The following ERBB4 variants were observed in gnomAD, a reference collection of about 807,000 sequenced individuals.
ERBB4 encodes erb-b2 receptor tyrosine kinase 4, also known as receptor tyrosine-protein kinase erbB-4.
Under a neutral mutation model 158.0 loss-of-function variants are expected in ERBB4, and 42 were observed. The observed-to-expected ratio is 0.27, with a 90% CI of 0.21 to 0.34. The LOEUF (loss-of-function observed/expected upper bound fraction) is 0.34. Ranked by LOEUF, ERBB4 falls within the 10% of genes least tolerant of loss-of-function variation. ERBB4 has a pLI of 1.00. For synonymous variants in ERBB4, 583 were observed against 558.7 expected (o/e 1.04, Z -0.61); for missense variants, 1,333 against 1,624.1 (o/e 0.82, Z 3.08).
chr2:211,473,154 G>A (rs2064871859), intron 20 of ERBB4, among the ~76,000 whole-genome samples: 1 of 151,866 alleles, frequency 6.6e-6, no homozygotes, highest in African/African-American at 2.4e-5. Flanking sequence ...TTATAGGAAG[G>A]CAAACAGAGA....
intron 1 of ERBB4, among the ~76,000 whole-genome samples, chr2:212,376,898 G>T (rs762149354): frequency 5.9e-5 from 9 of 151,898 alleles, no homozygotes; most frequent in Non-Finnish European, 1.2e-4. Context: ...TAAGAAGCAG[G>T]CAAACTATTG....
intron 1 of ERBB4, among the ~76,000 whole-genome samples, chr2:212,444,665 C>A (rs2092315912): frequency 1.3e-5 from 2 of 152,288 alleles, no homozygotes; most frequent in African/African-American, 4.8e-5. Flanking sequence ...GGCCCAGGAA[C>A]AAAGTGGCCA....
intron 1 of ERBB4, among the ~76,000 whole-genome samples, chr2:212,435,540 C>CTTGTT (rs2092119272): frequency 6.6e-6 from 1 of 151,836 alleles, no homozygotes; most frequent in South Asian, 2.1e-4. Flanking sequence ...AACATACATT[C>CTTGTT]TTGTTAATTT....
intron 20 of ERBB4, among the ~76,000 whole-genome samples, chr2:211,500,725 T>A (rs1323754211): frequency 6.6e-6 from 1 of 151,716 alleles, no homozygotes; most frequent in Non-Finnish European, 1.5e-5. Flanking sequence ...TCCAAACTGG[T>A]TTTTTTTGTG....
rs954368630 is a variant in ERBB4, at chr2:212,501,736, C to T, written c.82+36713G>A. 6.6e-5 allele frequency among the ~76,000 whole-genome samples: 10 copies of T among 152,226 alleles called. No homozygotes were observed. The East Asian group carries it at 7.7e-4, about 12-fold the overall frequency. On this transcript the variant is annotated intron_variant, in intron 1 of 27. Transcript: ENST00000342788. ...TGAGCTCCATCTTGGACTTTCTTCA[C>T]AGAACCTGACATAAACTTTAGTGTA...
chr2:212,214,450 T>C (rs961767493), intron 1 of ERBB4, among the ~76,000 whole-genome samples: 1 of 151,876 alleles, frequency 6.6e-6, no homozygotes, highest in African/African-American at 2.4e-5. Context: ...ATAGTTTTTA[T>C]ACTTCATGGA....
intron 20 of ERBB4, among the ~76,000 whole-genome samples, chr2:211,521,998 G>A: frequency 6.6e-6 from 1 of 152,068 alleles, no homozygotes; most frequent in East Asian, 1.9e-4. Flanking sequence ...TGTACAAGAA[G>A]AACATTGTTT....
chr2:211,754,404 T>A (rs1432677288), intron 4 of ERBB4, among the ~76,000 whole-genome samples: 2 of 136,298 alleles, frequency 1.5e-5, no homozygotes. Context: ...ATTGCAATAA[T>A]CCCTTTTTTT....
chr2:212,210,414 T>A (rs2082897920), intron 1 of ERBB4, among the ~76,000 whole-genome samples: 1 of 152,118 alleles, frequency 6.6e-6, no homozygotes, highest in African/African-American at 2.4e-5. Flanking sequence ...GCTTTGCCTA[T>A]GACTCTTGAA....
chr2:212,167,185 T>C (rs1227583007), intron 1 of ERBB4, among the ~76,000 whole-genome samples: 1 of 152,030 alleles, frequency 6.6e-6, no homozygotes, highest in East Asian at 1.9e-4. Flanking sequence ...ATTTGTACCA[T>C]CTACCCATCT....
intron 1 of ERBB4, among the ~76,000 whole-genome samples, chr2:212,164,257 G>A (rs7590959): frequency 0.58 from 88,475 of 151,386 alleles, 26,834 homozygotes; most frequent in Non-Finnish European, 0.64. Context: ...TTAAGTATAA[G>A]ATATACATAT....
chr2:212,190,550 A>AGAAG (rs2082159190), intron 1 of ERBB4, among the ~76,000 whole-genome samples: 1 of 147,020 alleles, frequency 6.8e-6, no homozygotes, highest in African/African-American at 2.5e-5. Context: ...AAAAAAAAAA[A>AGAAG]AAGAAGAAGA....
At chr2:212,420,988 A>C (rs1560274331) in intron 1 of ERBB4, among the ~76,000 whole-genome samples, 1 of 152,152 alleles carries the variant, frequency 6.6e-6, no homozygotes, top group Non-Finnish European at 1.5e-5. Flanking sequence ...CTCTGGACTG[A>C]CACTTGTTTT....
At chr2:212,250,873 T>C (rs778357981) in intron 1 of ERBB4, among the ~76,000 whole-genome samples, 4 of 151,950 alleles carry the variant, frequency 2.6e-5, no homozygotes, top group Admixed American at 6.6e-5. Flanking sequence ...CTTATTTCCA[T>C]TTGTCAAAAT....
intron 1 of ERBB4, among the ~76,000 whole-genome samples, chr2:212,359,398 TA>T (rs775173871): frequency 6.6e-6 from 1 of 151,674 alleles, no homozygotes; most frequent in Non-Finnish European, 1.5e-5. Flanking sequence ...CTATCAGAAA[TA>T]AAGTGGAAGG....
chr2:212,383,122 C>T (rs1338516771), intron 1 of ERBB4, among the ~76,000 whole-genome samples: 1 of 151,104 alleles, frequency 6.6e-6, no homozygotes, highest in Admixed American at 6.6e-5. Context: ...AGTGTGTTTA[C>T]CTTTTTCTAT....
intron 1 of ERBB4, among the ~76,000 whole-genome samples, chr2:212,359,247 T>G (rs13383978): frequency 0.32 from 48,035 of 151,072 alleles, 10,168 homozygotes; most frequent in African/African-American, 0.62. Flanking sequence ...TCAGAAATAT[T>G]TACATATTTT....
intron 2 of ERBB4, among the ~76,000 whole-genome samples, chr2:211,952,008 G>GA (rs1213395679): frequency 6.6e-6 from 1 of 151,530 alleles, no homozygotes; most frequent in Admixed American, 6.6e-5. Flanking sequence ...GTAAATAATA[G>GA]AAAAAAAATC....
At chr2:212,502,787 T>C (rs73069027) in intron 1 of ERBB4, among the ~76,000 whole-genome samples, 4,921 of 152,254 alleles carry the variant, frequency 0.032, 274 homozygotes, top group African/African-American at 0.11. Flanking sequence ...TCATTGTTTT[T>C]TTGAGACAGG....
Sources: allele counts gnomAD v4.1 joint callset (sites outside exome capture counted in the v4.1 genomes callset), GRCh38; gene constraint gnomAD v4.1.1; transcripts MANE v1.5; gene names NCBI Gene and HGNC (gene_info 2026-07-23, HGNC 2026-07-21).